ABLIM1: variants seen among roughly 807,000 people sequenced by gnomAD.
ABLIM1 encodes the protein actin-binding LIM protein 1.
ABLIM1 carries 40 observed loss-of-function variants against 107.0 expected under a neutral mutation model. That is an observed-to-expected ratio of 0.37 (90% CI 0.29 to 0.49). The LOEUF (loss-of-function observed/expected upper bound fraction) is 0.49, where lower values mean the gene tolerates loss of function less well. Ranked by LOEUF, ABLIM1 falls within the 20% of genes least tolerant of loss-of-function variation. The pLI is 0.97. For missense variants in ABLIM1, 857 were observed against 1,008.5 expected, an observed-to-expected ratio of 0.85 and a Z score of 2.04; for synonymous variants, 357 against 357.3, an observed-to-expected ratio of 1.00 and a Z score of 0.01.
chr10:114,533,113 G>A (rs963972182), intron 6 of ABLIM1, among the ~76,000 whole-genome samples: 2 of 152,216 alleles, frequency 1.3e-5, no homozygotes, highest in African/African-American at 4.8e-5. Context: ...GCTGAGGTGG[G>A]TGGATCATTT....
chr10:114,553,885 G>A (rs1453530961), intron 4 of ABLIM1, among the ~76,000 whole-genome samples: 4 of 152,164 alleles, frequency 2.6e-5, no homozygotes, highest in South Asian at 2.1e-4. Flanking sequence ...AATGTCCCAT[G>A]GATGGTACCC....
At chr10:114,623,003 C>T (rs978655134) in intron 1 of ABLIM1, among the ~76,000 whole-genome samples, 1 of 152,160 alleles carries the variant, frequency 6.6e-6, no homozygotes, top group Non-Finnish European at 1.5e-5. Context: ...GGCTCTATTG[C>T]TCAGGCTGGA....
chr10:114,660,342 A>G (rs2079734345), upstream of ABLIM1, among the ~76,000 whole-genome samples: 1 of 152,190 alleles, frequency 6.6e-6, no homozygotes, highest in African/African-American at 2.4e-5. Context: ...CATTAGGTGC[A>G]GTGTACACTG....
intron 1 of ABLIM1, among the ~76,000 whole-genome samples, chr10:114,620,895 T>C (rs1399152890): frequency 1.3e-5 from 2 of 152,138 alleles, no homozygotes; most frequent in Non-Finnish European, 2.9e-5. Context: ...GGGAGGGCCA[T>C]GCTCTGTAGT....
chr10:114,484,795 C>A (rs1249855104), intron 8 of ABLIM1, among the ~76,000 whole-genome samples: 3 of 152,062 alleles, frequency 2.0e-5, no homozygotes, highest in African/African-American at 7.2e-5. Context: ...CCCTCATGGG[C>A]AAATCTCAGC....
At position 114,550,884 on chromosome 10, in the gene ABLIM1, A is replaced by C. The variant is rs981138808; in HGVS notation, c.674-3108T>G. On this transcript the variant is annotated intron_variant, in intron 4 of 22. Transcript: ENST00000533213. ...GGCAGCAAAGATTTTAATAATAAGG[A>C]AGATGCTGTTCAATAGAATTTTTAA... Among the ~76,000 whole-genome samples, 8 of 152,332 alleles carry C rather than the reference A, an allele frequency of 5.3e-5. No individual in the cohort carries two copies. In the South Asian group the frequency reaches 1.7e-3, roughly 32 times the overall value.
chr10:114,658,087 A>G lies in ABLIM1; in HGVS notation c.114T>C (p.Ile38=), dbSNP rs2079612950. The G allele has an allele frequency of 1.2e-6, 2 of 1,614,200 alleles. No homozygotes were observed. The highest frequency in any genetic ancestry group is 1.7e-6 in the Non-Finnish European group (2 of 1,180,028). Residue 38 remains isoleucine (I), a synonymous_variant, in exon 1 of 23, where the codon ATT becomes ATC. Coordinates refer to ENST00000533213, the MANE Select transcript of ABLIM1 (RefSeq NM_002313.7). ...TCCCAGAGACCCTCCGGTCCTCAAC[A>G]ATCAGTCTCTTTCTGTTCGAGCCCC... ...SARGSNRKRL[I]VEDRRVSGTS...
chr10:114,783,641 CA>C, the ABLIM1 span, among the ~76,000 whole-genome samples: 2 of 151,040 alleles, frequency 1.3e-5, no homozygotes, highest in African/African-American at 4.9e-5. Flanking sequence ...GAATAAACAA[CA>C]AAAATAGCAT....
chr10:114,548,171 T>C (rs990182559), intron 4 of ABLIM1, among the ~76,000 whole-genome samples: 1 of 152,240 alleles, frequency 6.6e-6, no homozygotes, highest in African/African-American at 2.4e-5. Flanking sequence ...CTCAGCACTT[T>C]ATGCTGATGC....
chr10:114,438,049 G>A (rs2059675322), intron 21 of ABLIM1, 125 bp from the exon 22 acceptor site: 7 of 864,990 alleles, frequency 8.1e-6, no homozygotes, highest in Admixed American at 2.4e-5. Context: ...GAATTCGAGT[G>A]ATGGGTCTTC....
chr10:114,601,010 A>C (rs1347015875), intron 2 of ABLIM1, among the ~76,000 whole-genome samples: 1 of 150,740 alleles, frequency 6.6e-6, no homozygotes. Context: ...TTCTGCTTAG[A>C]GGTCTCCCAA....
chr10:114,626,121 G>A (rs2077776201), intron 1 of ABLIM1, among the ~76,000 whole-genome samples: 1 of 152,152 alleles, frequency 6.6e-6, no homozygotes, highest in Non-Finnish European at 1.5e-5. Context: ...TTTTGAGCTG[G>A]GAAATGATTC....
At chr10:114,647,899 G>A (rs2079074684) in intron 1 of ABLIM1, among the ~76,000 whole-genome samples, 1 of 152,142 alleles carries the variant, frequency 6.6e-6, no homozygotes, top group African/African-American at 2.4e-5. Context: ...CAAAGTAAAG[G>A]CCCTACCTTT....
chr10:114,485,266 C>T (rs1224635625), intron 8 of ABLIM1: 1 of 1,560,786 alleles, frequency 6.4e-7, no homozygotes, highest in Admixed American at 1.8e-5. Context: ...AGGACAGTGG[C>T]TTCGAGCCCC....
At chr10:114,607,293 C>T (rs572053588) in intron 1 of ABLIM1, among the ~76,000 whole-genome samples, 37 of 152,200 alleles carry the variant, frequency 2.4e-4, no homozygotes, top group Non-Finnish European at 4.1e-4. Flanking sequence ...ATCACCTGAC[C>T]TCGTGATCCA....
Position 114,491,878 on chromosome 10 carries a change from C to T in ABLIM1, c.895G>A (p.Ala299Thr). 6.2e-7 allele frequency: 1 copy of T among 1,604,582 alleles called. No homozygotes were observed. Among genetic ancestry groups the T allele is most frequent in the Non-Finnish European group, 8.5e-7 (1 of 1,172,530 alleles). Residue 299 changes from alanine to threonine, a missense_variant and splice_region_variant, in exon 7 of 23, where the codon GCA becomes ACA. This residue lies in a region of ABLIM1 where 381 missense variants were observed against 506.9 expected (regional missense o/e 0.75). Transcript: ENST00000533213. ...CTGGGGTGGTAATGTTTGTCACCTG[C>T]CTGCAAGAGAAAAGGTAGGGAACGT... Reference protein sequence around the residue: ...HQFITGKVLEAGDKHYHPSCA... With the variant: ...HQFITGKVLETGDKHYHPSCA...
At position 114,712,673 on chromosome 10, in the gene ABLIM1, T is replaced by C. The variant is rs2141964577; in HGVS notation, c.-213+55388A>G. Among the ~76,000 whole-genome samples, 2 of 152,302 alleles carry C rather than the reference T, an allele frequency of 1.3e-5. 1 individual carries two copies. The highest frequency in any genetic ancestry group is 4.1e-4 in the South Asian group (2 of 4,828). ...CTGCTAAGTGGATGGAAGAATTAGATGACAGTCTGAGGCTACTAGTGAAAA... is the reference window on the plus strand; with the variant it reads ...CTGCTAAGTGGATGGAAGAATTAGACGACAGTCTGAGGCTACTAGTGAAAA... On this transcript the variant is annotated intron_variant, in intron 1 of 15. Transcript: ENST00000651092.
At chr10:114,663,278 A>G (rs1478461277) in intron 1 of ABLIM1, among the ~76,000 whole-genome samples, 1 of 152,188 alleles carries the variant, frequency 6.6e-6, no homozygotes, top group Non-Finnish European at 1.5e-5. Context: ...TCTTGTCCCC[A>G]GATAGCAGCT....
At chr10:114,508,647 C>T (rs2061458935) in intron 6 of ABLIM1, among the ~76,000 whole-genome samples, 2 of 152,164 alleles carry the variant, frequency 1.3e-5, no homozygotes, top group South Asian at 4.1e-4. Flanking sequence ...CATGATCTCT[C>T]CACTGCATTC....
Sources: allele counts gnomAD v4.1 joint callset (sites outside exome capture counted in the v4.1 genomes callset), GRCh38; gene constraint gnomAD v4.1.1; regional missense constraint gnomAD v4.1.1; transcripts MANE v1.5; gene names NCBI Gene and HGNC (gene_info 2026-07-23, HGNC 2026-07-21).